PCDH15: variants seen among roughly 807,000 people sequenced by gnomAD.
PCDH15 encodes the protein protocadherin-15.
Under a neutral mutation model 178.5 loss-of-function variants are expected in PCDH15, and 129 were observed. That is an observed-to-expected ratio of 0.72 (90% CI 0.63 to 0.84). The LOEUF is 0.84. Ranked by LOEUF, PCDH15 falls within the 40% of genes least tolerant of loss-of-function variation. The pLI is 0.00. For missense variants in PCDH15, 2,230 were observed against 2,099.9 expected (o/e 1.06, Z -1.21); for synonymous variants, 800 against 732.0 (o/e 1.09, Z -1.50).
At chr10:54,641,456 C>T (rs924709077) in intron 2 of PCDH15, among the ~76,000 whole-genome samples, 1 of 152,158 alleles carries the variant, frequency 6.6e-6, no homozygotes. Context: ...CTAAATGTAG[C>T]CCCTTTAGGA....
intron 2 of PCDH15, among the ~76,000 whole-genome samples, chr10:55,543,601 A>T (rs1209643795): frequency 6.6e-6 from 1 of 151,526 alleles, no homozygotes; most frequent in Non-Finnish European, 1.5e-5. Context: ...CACATACCTT[A>T]TAAGGAGAAG....
At chr10:54,965,725 T>C (rs1441259746) in intron 2 of PCDH15, among the ~76,000 whole-genome samples, 1 of 150,638 alleles carries the variant, frequency 6.6e-6, no homozygotes, top group Non-Finnish European at 1.5e-5. Flanking sequence ...ATTTGAAACA[T>C]TTCCTCACTG....
intron 1 of PCDH15, among the ~76,000 whole-genome samples, chr10:54,699,322 A>T (rs958516179): frequency 2.6e-5 from 4 of 152,112 alleles, no homozygotes; most frequent in Admixed American, 2.6e-4. Context: ...TATGTTACGG[A>T]AGAAAATGTT....
chr10:55,119,043 C>G (rs1374899527), intron 2 of PCDH15, among the ~76,000 whole-genome samples: 2 of 152,170 alleles, frequency 1.3e-5, no homozygotes, highest in Non-Finnish European at 2.9e-5. Flanking sequence ...GGCCCTGCAC[C>G]TGGCACGTCT....
chr10:53,852,584 T>A (rs1000274131), intron 28 of PCDH15, among the ~76,000 whole-genome samples: 2 of 152,122 alleles, frequency 1.3e-5, no homozygotes, highest in African/African-American at 4.8e-5. Flanking sequence ...CATTCCATTT[T>A]CCAGGTACTG....
intron 3 of PCDH15, among the ~76,000 whole-genome samples, chr10:54,420,874 C>G (rs1364364677): frequency 6.6e-6 from 1 of 151,908 alleles, no homozygotes; most frequent in African/African-American, 2.4e-5. Flanking sequence ...ATATTTAATT[C>G]TTTTACCACC....
chr10:54,064,362 T>C (rs1377585741), intron 18 of PCDH15, among the ~76,000 whole-genome samples: 1 of 152,142 alleles, frequency 6.6e-6, no homozygotes, highest in Non-Finnish European at 1.5e-5. Flanking sequence ...CGGGTGGCCA[T>C]GGGCAGGCCC....
intron 15 of PCDH15, among the ~76,000 whole-genome samples, chr10:54,100,168 C>T (rs1485007574): frequency 6.6e-6 from 1 of 151,964 alleles, no homozygotes; most frequent in African/African-American, 2.4e-5. Context: ...GAGTTTGAGA[C>T]CAGCCTGACC....
chr10:55,511,250 A>G (rs1039711754), intron 2 of PCDH15, among the ~76,000 whole-genome samples: 2 of 137,256 alleles, frequency 1.5e-5, no homozygotes, highest in African/African-American at 5.2e-5. Flanking sequence ...TGGAAAGAAA[A>G]AAGTCTGATC....
intron 2 of PCDH15, among the ~76,000 whole-genome samples, chr10:54,939,810 G>T (rs1838014820): frequency 6.6e-6 from 1 of 152,072 alleles, no homozygotes; most frequent in African/African-American, 2.4e-5. Flanking sequence ...GTCCTCAGAT[G>T]GTGCAAGGGG....
At chr10:54,451,202 T>A (rs2076457757) in intron 3 of PCDH15, among the ~76,000 whole-genome samples, 1 of 151,894 alleles carries the variant, frequency 6.6e-6, no homozygotes, top group South Asian at 2.1e-4. Context: ...TTTCTGTTTA[T>A]CTTCACTACT....
At chr10:54,031,616 C>T (rs1037639516) in intron 18 of PCDH15, among the ~76,000 whole-genome samples, 7 of 151,810 alleles carry the variant, frequency 4.6e-5, no homozygotes, top group Non-Finnish European at 1.0e-4. Context: ...TGTTATTTAA[C>T]GCAAATGAAC....
intron 2 of PCDH15, among the ~76,000 whole-genome samples, chr10:55,070,034 A>C (rs925443394): frequency 1.3e-4 from 19 of 151,764 alleles, no homozygotes; most frequent in African/African-American, 3.6e-4. Flanking sequence ...GCCAGTGATG[A>C]TGAGTATTTT....
intron 16 of PCDH15, among the ~76,000 whole-genome samples, chr10:54,086,168 T>C (rs991863835): frequency 6.6e-6 from 1 of 152,176 alleles, no homozygotes; most frequent in Non-Finnish European, 1.5e-5. Context: ...CATCTGCTTC[T>C]GGTGAGGGGC....
intron 8 of PCDH15, among the ~76,000 whole-genome samples, chr10:54,284,023 CGG>C (rs1235065990): frequency 2.6e-5 from 4 of 151,970 alleles, no homozygotes; most frequent in African/African-American, 9.7e-5. Flanking sequence ...TTAACAGAAA[CGG>C]AGTCTCACTA....
At chr10:54,219,592 CAAAAAAAAAAAA>C (rs763785938) in intron 9 of PCDH15, among the ~76,000 whole-genome samples, 4 of 32,394 alleles carry the variant, frequency 1.2e-4, no homozygotes, top group Non-Finnish European at 2.6e-4. Context: ...GACTCCATCT[CAAAAAAAAAAAA>C]AAAAAAAAAA....
In PCDH15 at chr10:54,185,281, A is replaced by C. The variant is rs1301789219; in HGVS notation, c.1306-13T>G. 2 of 1,613,206 alleles carry C rather than the reference A, an allele frequency of 1.2e-6. No homozygotes were observed. The highest frequency in any genetic ancestry group is 8.5e-7 in the Non-Finnish European group (1 of 1,179,442). ...CTGGGTCTTTTGTCTTTGAAAAAAAATGACATCGTTTCAAACGTTGAATAA... is the reference window on the plus strand; with the variant it reads ...CTGGGTCTTTTGTCTTTGAAAAAAACTGACATCGTTTCAAACGTTGAATAA... On this transcript the variant is annotated splice_polypyrimidine_tract_variant and intron_variant, in intron 11 of 37. Coordinates refer to ENST00000644397, the MANE Select transcript of PCDH15 (RefSeq NM_001384140.1).
At chr10:55,159,776 A>C (rs913562306) in intron 2 of PCDH15, among the ~76,000 whole-genome samples, 1 of 148,100 alleles carries the variant, frequency 6.8e-6, no homozygotes, top group Admixed American at 6.8e-5. Context: ...GTGTAAGTAC[A>C]TATTAAGAGA....
chr10:54,411,439 A>G (rs766303971), intron 3 of PCDH15, among the ~76,000 whole-genome samples: 9 of 152,180 alleles, frequency 5.9e-5, no homozygotes, highest in Non-Finnish European at 1.0e-4. Context: ...ATTCCTTACG[A>G]TCTAGACTCA....
Sources: gnomAD v4.1 joint callset for allele counts (sites outside exome capture counted in the v4.1 genomes callset) on GRCh38, gnomAD v4.1.1 for gene constraint, MANE v1.5 for transcripts, NCBI Gene and HGNC (gene_info 2026-07-23, HGNC 2026-07-21) for gene names.